Variants in ARHGAP24 observed in about 807,000 individuals in gnomAD.
The protein encoded by ARHGAP24 is rho GTPase-activating protein 24.
In ARHGAP24, 50 loss-of-function variants were observed where a neutral mutation model predicts 76.4. The observed-to-expected ratio is 0.65, with a 90% CI of 0.52 to 0.83. The LOEUF (loss-of-function observed/expected upper bound fraction) is 0.83, where lower values mean the gene tolerates loss of function less well. Among genes scored for constraint, ARHGAP24 ranks in the 40% least tolerant of loss-of-function variants. The probability of loss-of-function intolerance (pLI) is 0.00; values close to 1 mark genes in which losing one functional copy is unlikely to be tolerated. For missense variants in ARHGAP24, 930 were observed against 914.2 expected, an observed-to-expected ratio of 1.02 and a Z score of -0.22; for synonymous variants, 345 against 323.3, an observed-to-expected ratio of 1.07 and a Z score of -0.72.
At chr4:85,605,015 T>C (rs768872292) in intron 2 of ARHGAP24, among the ~76,000 whole-genome samples, 1 of 152,244 alleles carries the variant, frequency 6.6e-6, no homozygotes, top group Non-Finnish European at 1.5e-5. Context: ...CACTTTAGAA[T>C]GTTAATTGTA....
intron 2 of ARHGAP24, among the ~76,000 whole-genome samples, chr4:85,667,283 G>A (rs1250223245): frequency 2.0e-5 from 3 of 152,146 alleles, no homozygotes; most frequent in Non-Finnish European, 4.4e-5. Flanking sequence ...AGACTCCATG[G>A]GCATAGGACC....
At chr4:85,925,556 G>A (rs753376927) in intron 4 of ARHGAP24, among the ~76,000 whole-genome samples, 7 of 152,204 alleles carry the variant, frequency 4.6e-5, no homozygotes, top group Non-Finnish European at 7.3e-5. Flanking sequence ...TATCTTGAAA[G>A]AGAGACCATG....
chr4:85,606,023 C>CACTG (rs1720180542), intron 2 of ARHGAP24, among the ~76,000 whole-genome samples: 1 of 152,150 alleles, frequency 6.6e-6, no homozygotes, highest in South Asian at 2.1e-4. Context: ...CCCTTCTTCC[C>CACTG]ACTGGAGTTA....
At chr4:85,620,412 C>G (rs1424120810) in intron 2 of ARHGAP24, among the ~76,000 whole-genome samples, 2 of 151,872 alleles carry the variant, frequency 1.3e-5, no homozygotes, top group East Asian at 3.9e-4. Flanking sequence ...TCATCCATTT[C>G]TTCTAGGTTA....
intron 3 of ARHGAP24, among the ~76,000 whole-genome samples, chr4:85,906,781 C>T (rs1017865606): frequency 1.6e-4 from 24 of 151,916 alleles, no homozygotes; most frequent in African/African-American, 5.8e-4. Context: ...AATAGGTTGA[C>T]TTATAAACAA....
intron 3 of ARHGAP24, among the ~76,000 whole-genome samples, chr4:85,869,046 C>T (rs1240063532): frequency 7.9e-5 from 12 of 152,078 alleles, no homozygotes; most frequent in Non-Finnish European, 8.8e-5. Flanking sequence ...TCAATACCAA[C>T]TACTTCCTGC....
intron 2 of ARHGAP24, among the ~76,000 whole-genome samples, chr4:85,611,796 T>C (rs1458875569): frequency 1.3e-5 from 2 of 152,212 alleles, no homozygotes; most frequent in African/African-American, 4.8e-5. Flanking sequence ...TGAAACTTGA[T>C]GGACTAGGCA....
intron 3 of ARHGAP24, among the ~76,000 whole-genome samples, chr4:85,896,961 C>A (rs977128445): frequency 5.3e-5 from 8 of 152,134 alleles, no homozygotes; most frequent in African/African-American, 1.9e-4. Context: ...TTTAAAAAAT[C>A]TCTTTTAGAC....
intron 2 of ARHGAP24, among the ~76,000 whole-genome samples, chr4:85,590,131 T>G (rs1484223638): frequency 6.6e-6 from 1 of 152,136 alleles, no homozygotes; most frequent in East Asian, 1.9e-4. Flanking sequence ...GAAATGTTAA[T>G]TTGTTTGGAA....
intron 8 of ARHGAP24, among the ~76,000 whole-genome samples, chr4:85,984,676 G>A (rs1739877170): frequency 6.6e-6 from 1 of 152,116 alleles, no homozygotes; most frequent in African/African-American, 2.4e-5. Context: ...GGGCATATAG[G>A]GAAGATTGGT....
intron 3 of ARHGAP24, among the ~76,000 whole-genome samples, chr4:85,775,028 T>C (rs1414485758): frequency 6.6e-6 from 1 of 152,192 alleles, no homozygotes; most frequent in African/African-American, 2.4e-5. Flanking sequence ...ATAAAACTTA[T>C]TCTAGAGGAG....
intron 3 of ARHGAP24, among the ~76,000 whole-genome samples, chr4:85,792,961 T>C (rs1051608485): frequency 6.6e-6 from 1 of 152,170 alleles, no homozygotes; most frequent in Non-Finnish European, 1.5e-5. Context: ...GAAATTCTTG[T>C]TGAAATAGGG....
intron 3 of ARHGAP24, among the ~76,000 whole-genome samples, chr4:85,884,388 T>C (rs901619666): frequency 6.6e-6 from 1 of 152,206 alleles, no homozygotes; most frequent in Non-Finnish European, 1.5e-5. Flanking sequence ...CTTTTAATCT[T>C]CTCATTGTCG....
chr4:85,972,663 C>T (rs1176838311), intron 6 of ARHGAP24, among the ~76,000 whole-genome samples: 1 of 152,080 alleles, frequency 6.6e-6, no homozygotes, highest in East Asian at 1.9e-4. Context: ...CTGAGATATT[C>T]GATTATCACC....
Position 85,788,911 on chromosome 4 carries a change from G to A in ARHGAP24, c.268+66939G>A, listed in dbSNP as rs889831610. Reference sequence around the variant, plus strand: ...AAAGGAAAATTACTTCTGTTTTCTCGAGGATGTGGCATAATAAGAAATACA... The same window carrying A: ...AAAGGAAAATTACTTCTGTTTTCTCAAGGATGTGGCATAATAAGAAATACA... On this transcript the variant is annotated intron_variant, in intron 3 of 9. Transcript: ENST00000395184. Among the ~76,000 whole-genome samples, 8 of 152,208 alleles carry A rather than the reference G, an allele frequency of 5.3e-5. No homozygotes were observed. In the South Asian group the frequency reaches 8.3e-4, roughly 16 times the overall value.
intron 1 of ARHGAP24, among the ~76,000 whole-genome samples, chr4:85,510,673 AT>A (rs1033898789): frequency 2.3e-5 from 3 of 129,130 alleles, no homozygotes; most frequent in Non-Finnish European, 3.1e-5. Context: ...CTCCAGGCTC[AT>A]TTTTTTTCCA....
Position 85,934,557 on chromosome 4 carries a change from G to A in ARHGAP24, c.392-7509G>A, listed in dbSNP as rs574591521. Among the ~76,000 whole-genome samples, 219 of 151,940 alleles carry A rather than the reference G, an allele frequency of 1.4e-3. 2 individuals carry two copies. The highest frequency in any genetic ancestry group is 4.9e-3 in the African/African-American group (205 of 41,422). Reference sequence around the variant, plus strand: ...TTTGAAATGATCTCATTCTGTCATCGAGGCTGGAGTGCGGTGGTGAAATCT... The same window carrying A: ...TTTGAAATGATCTCATTCTGTCATCAAGGCTGGAGTGCGGTGGTGAAATCT... On this transcript the variant is annotated intron_variant, in intron 4 of 9. Coordinates refer to ENST00000395184, the MANE Select transcript of ARHGAP24 (RefSeq NM_001025616.3).
chr4:85,623,553 G>A (rs374283993), intron 2 of ARHGAP24, among the ~76,000 whole-genome samples: 1 of 152,094 alleles, frequency 6.6e-6, no homozygotes, highest in Non-Finnish European at 1.5e-5. Context: ...CTTTTGGCTT[G>A]GGATTGACTT....
At chr4:85,807,474 G>C (rs1367627757) in intron 3 of ARHGAP24, among the ~76,000 whole-genome samples, 1 of 152,122 alleles carries the variant, frequency 6.6e-6, no homozygotes, top group Non-Finnish European at 1.5e-5. Flanking sequence ...TCTTAAATCA[G>C]ACTCTGAAAT....
Sources: gnomAD v4.1 joint callset for allele counts (sites outside exome capture counted in the v4.1 genomes callset) on GRCh38, gnomAD v4.1.1 for gene constraint, MANE v1.5 for transcripts, NCBI Gene and HGNC (gene_info 2026-07-23, HGNC 2026-07-21) for gene names.